The following SCHIP1 variants were observed in gnomAD, a reference collection of about 807,000 sequenced individuals.
SCHIP1 encodes the protein schwannomin interacting protein 1.
SCHIP1 carries 8 observed loss-of-function variants against 29.7 expected under a neutral mutation model. The ratio of observed to expected loss-of-function variants is 0.27; its 90% CI spans 0.16 to 0.49. SCHIP1 has a LOEUF of 0.49. Among genes scored for constraint, SCHIP1 ranks in the 20% least tolerant of loss-of-function variants. The pLI is 0.99. For missense variants in SCHIP1, 193 were observed against 294.6 expected, an observed-to-expected ratio of 0.66 and a Z score of 2.52; for synonymous variants, 76 against 94.9, an observed-to-expected ratio of 0.80 and a Z score of 1.16.
At chr3:159,683,812 G>C in the SCHIP1 span, among the ~76,000 whole-genome samples, 5 of 152,196 alleles carry the variant, frequency 3.3e-5, no homozygotes, top group Non-Finnish European at 5.9e-5. Flanking sequence ...TTTATCTGAA[G>C]ATAAGACTCT....
the SCHIP1 span, among the ~76,000 whole-genome samples, chr3:159,541,912 G>A: frequency 6.6e-6 from 1 of 152,060 alleles, no homozygotes; most frequent in African/African-American, 2.4e-5. Context: ...TTTGAAATAT[G>A]TCGCACACAT....
the SCHIP1 span, among the ~76,000 whole-genome samples, chr3:159,636,397 A>C: frequency 1.3e-5 from 2 of 152,322 alleles, no homozygotes; most frequent in East Asian, 3.9e-4. Flanking sequence ...ATCAAACCAT[A>C]AGCACCACAC....
the SCHIP1 span, among the ~76,000 whole-genome samples, chr3:159,441,134 CAT>C: frequency 3.6e-3 from 543 of 152,244 alleles, 2 homozygotes; most frequent in East Asian, 0.024. Flanking sequence ...TGAAACAACA[CAT>C]GTCTGTGTGT....
At chr3:159,365,518 G>A in the SCHIP1 span, among the ~76,000 whole-genome samples, 11 of 152,248 alleles carry the variant, frequency 7.2e-5, no homozygotes, top group East Asian at 2.1e-3. Flanking sequence ...CACCATAAGG[G>A]CAGGAGTTTG....
At chr3:159,484,057 A>G in the SCHIP1 span, among the ~76,000 whole-genome samples, 1 of 152,176 alleles carries the variant, frequency 6.6e-6, no homozygotes, top group Non-Finnish European at 1.5e-5. Flanking sequence ...AGTTCCAAAG[A>G]GGCATTGCTT....
At chr3:159,583,121 C>CAT in the SCHIP1 span, among the ~76,000 whole-genome samples, 1 of 152,088 alleles carries the variant, frequency 6.6e-6, no homozygotes, top group Admixed American at 6.6e-5. Flanking sequence ...ACTTGTACCA[C>CAT]ATGTTAGGAT....
chr3:159,501,029 T>C, the SCHIP1 span, among the ~76,000 whole-genome samples: 1 of 152,200 alleles, frequency 6.6e-6, no homozygotes, highest in Non-Finnish European at 1.5e-5. Context: ...TGTAGACATA[T>C]ACACAAATGG....
At chr3:159,711,217 C>T in the SCHIP1 span, among the ~76,000 whole-genome samples, 2 of 81,390 alleles carry the variant, frequency 2.5e-5, no homozygotes, top group South Asian at 3.5e-4. Flanking sequence ...AAAAATTAGC[C>T]GGGCGTAGTG....
the SCHIP1 span, among the ~76,000 whole-genome samples, chr3:159,338,013 G>A: frequency 6.6e-6 from 1 of 152,146 alleles, no homozygotes; most frequent in Non-Finnish European, 1.5e-5. Flanking sequence ...GACTTGTGAT[G>A]AAGTAAGAGC....
At chr3:159,750,284 TATATATATATATACAC>T in the SCHIP1 span, among the ~76,000 whole-genome samples, 52 of 60,984 alleles carry the variant, frequency 8.5e-4, no homozygotes, top group African/African-American at 2.2e-3. Flanking sequence ...TATATATATA[TATATATATATATACAC>T]ACACACACAC....
At chr3:159,630,441 G>T in the SCHIP1 span, among the ~76,000 whole-genome samples, 1 of 151,984 alleles carries the variant, frequency 6.6e-6, no homozygotes, top group Non-Finnish European at 1.5e-5. Context: ...ATCAACCAAC[G>T]AGTATATGTG....
the SCHIP1 span, among the ~76,000 whole-genome samples, chr3:159,755,288 G>A: frequency 4.6e-5 from 7 of 152,182 alleles, no homozygotes; most frequent in South Asian, 2.1e-4. Flanking sequence ...CCACATGGCT[G>A]GGGATACCTC....
chr3:159,605,581 T>C, the SCHIP1 span, among the ~76,000 whole-genome samples: 1 of 152,316 alleles, frequency 6.6e-6, no homozygotes, highest in East Asian at 1.9e-4. Flanking sequence ...CAGTCTGCTC[T>C]TGAGGACACA....
chr3:159,284,455 A>G, the SCHIP1 span, among the ~76,000 whole-genome samples: 8 of 152,156 alleles, frequency 5.3e-5, no homozygotes, highest in South Asian at 1.7e-3. Flanking sequence ...TTGATATTTT[A>G]ATGTAATATT....
chr3:159,888,895 A>G (rs373474163), exon 5 of SCHIP1: 23 of 1,614,042 alleles, frequency 1.4e-5, no homozygotes, highest in Non-Finnish European at 1.7e-5. Context: ...AGACATGACT[A>G]TTGGGCAGCT....
At chr3:159,880,754 A>T (rs566899455) in intron 2 of SCHIP1, among the ~76,000 whole-genome samples, 1 of 152,342 alleles carries the variant, frequency 6.6e-6, no homozygotes, top group African/African-American at 2.4e-5. Context: ...GAATGAATGA[A>T]TGTGTGCATG....
At chr3:159,811,783 T>C in the SCHIP1 span, among the ~76,000 whole-genome samples, 19 of 152,176 alleles carry the variant, frequency 1.2e-4, no homozygotes, top group Non-Finnish European at 2.1e-4. Flanking sequence ...TGCATTTCCA[T>C]ATACATTTTA....
At chr3:159,601,744 G>T in the SCHIP1 span, among the ~76,000 whole-genome samples, 1 of 152,224 alleles carries the variant, frequency 6.6e-6, no homozygotes, top group Non-Finnish European at 1.5e-5. Context: ...GCCTTTTGGT[G>T]CATTGCACTG....
chr3:159,784,308 G>A, the SCHIP1 span, among the ~76,000 whole-genome samples: 1 of 152,222 alleles, frequency 6.6e-6, no homozygotes, highest in East Asian at 1.9e-4. Flanking sequence ...GAATGAAAGA[G>A]AGAAACTCTG....
Sources: gnomAD v4.1 joint callset for allele counts (sites outside exome capture counted in the v4.1 genomes callset) on GRCh38, gnomAD v4.1.1 for gene constraint, MANE v1.5 for transcripts, NCBI Gene and HGNC (gene_info 2026-07-23, HGNC 2026-07-21) for gene names.